CTNNA2: variants seen among roughly 807,000 people sequenced by gnomAD.
CTNNA2 encodes the protein catenin alpha-2.
CTNNA2 carries 42 observed loss-of-function variants against 101.0 expected under a neutral mutation model. That is an observed-to-expected ratio of 0.42 (90% CI 0.32 to 0.54). The LOEUF (loss-of-function observed/expected upper bound fraction) is 0.54, where lower values mean the gene tolerates loss of function less well. Ranked by LOEUF, CTNNA2 falls within the 20% of genes least tolerant of loss-of-function variation. The pLI is 0.14. For synonymous variants in CTNNA2, 450 were observed against 456.4 expected (o/e 0.99, Z 0.18); for missense variants, 871 against 1,223.1 (o/e 0.71, Z 4.29).
intron 3 of CTNNA2, among the ~76,000 whole-genome samples, chr2:79,855,756 C>T (rs1423457872): frequency 6.6e-6 from 1 of 152,106 alleles, no homozygotes; most frequent in Non-Finnish European, 1.5e-5. Context: ...GAATAAATCC[C>T]CCTTTCCCTT....
intron 7 of CTNNA2, among the ~76,000 whole-genome samples, chr2:80,306,435 TC>T (rs1274307486): frequency 1.4e-5 from 2 of 148,138 alleles, no homozygotes; most frequent in Non-Finnish European, 3.0e-5. Context: ...TTTCTTTCTT[TC>T]TTTCTTTCTT....
At chr2:80,581,924 T>C in intron 14 of CTNNA2, 105 bp downstream of exon 14, 2 of 685,324 alleles carry the variant, frequency 2.9e-6, no homozygotes, top group African/African-American at 1.8e-5. Context: ...CAGAGATTCA[T>C]GGGTCAGAAA....
At chr2:79,987,405 C>A (rs1691844241) in intron 7 of CTNNA2, among the ~76,000 whole-genome samples, 1 of 152,172 alleles carries the variant, frequency 6.6e-6, no homozygotes, top group Non-Finnish European at 1.5e-5. Context: ...GAACTGGGTT[C>A]AAGTCCCACC....
intron 1 of CTNNA2, among the ~76,000 whole-genome samples, chr2:79,617,586 C>T (rs933273330): frequency 2.4e-4 from 37 of 152,032 alleles, no homozygotes; most frequent in African/African-American, 8.9e-4. Flanking sequence ...TTCATATTCA[C>T]CATTTTGTTA....
intron 2 of CTNNA2, among the ~76,000 whole-genome samples, chr2:79,217,661 A>G (rs1397830303): frequency 1.3e-5 from 2 of 152,220 alleles, no homozygotes; most frequent in Non-Finnish European, 1.5e-5. Context: ...GTGTACGTGC[A>G]GGTCACAGGG....
chr2:79,541,189 CAT>C (rs1448844369), intron 1 of CTNNA2, among the ~76,000 whole-genome samples: 16 of 142,698 alleles, frequency 1.1e-4, no homozygotes, highest in Non-Finnish European at 2.2e-4. Context: ...ATATATTACA[CAT>C]ATATATGAGT....
chr2:79,882,356 C>T (rs753382095), intron 6 of CTNNA2, among the ~76,000 whole-genome samples: 5 of 152,316 alleles, frequency 3.3e-5, no homozygotes, highest in East Asian at 1.9e-4. Context: ...CACCCCTCCC[C>T]CTAGGGGCTC....
intron 7 of CTNNA2, among the ~76,000 whole-genome samples, chr2:80,359,046 G>T (rs1004552017): frequency 6.6e-6 from 1 of 151,454 alleles, no homozygotes; most frequent in Non-Finnish European, 1.5e-5. Context: ...ATTACTGTAG[G>T]CTCACTAATG....
intron 2 of CTNNA2, among the ~76,000 whole-genome samples, chr2:79,223,735 G>A (rs1396135493): frequency 6.6e-6 from 1 of 152,170 alleles, no homozygotes; most frequent in East Asian, 1.9e-4. Context: ...TAAGCTGACA[G>A]TTGGTGGCAC....
intron 7 of CTNNA2, among the ~76,000 whole-genome samples, chr2:80,340,032 T>C (rs1184122544): frequency 6.6e-6 from 1 of 152,238 alleles, no homozygotes; most frequent in African/African-American, 2.4e-5. Flanking sequence ...TGCAGCTTTT[T>C]CATCAAACAT....
intron 3 of CTNNA2, among the ~76,000 whole-genome samples, chr2:79,840,763 TCTC>T (rs1679733997): frequency 1.9e-5 from 1 of 51,460 alleles, no homozygotes; most frequent in Admixed American, 3.5e-4. Flanking sequence ...CGAGACTACC[TCTC>T]TTTTTTTTTT....
In CTNNA2 at chr2:80,365,353, G is replaced by T. The variant is rs189365525; in HGVS notation, c.1057-27858G>T. On this transcript the variant is annotated intron_variant, in intron 7 of 18. Coordinates refer to ENST00000402739, the MANE Select transcript of CTNNA2 (RefSeq NM_001282597.3). ...GTTGACATGCTGACAGTGCAGCCCT[G>T]CATAAACACAACCGCTTGCCCTCTC... Among the ~76,000 whole-genome samples, 8 of 152,210 alleles carry T rather than the reference G, an allele frequency of 5.3e-5. No homozygotes were observed. In the East Asian group the frequency reaches 1.5e-3, roughly 29 times the overall value.
intron 2 of CTNNA2, among the ~76,000 whole-genome samples, chr2:79,268,151 A>G (rs147021507): frequency 1.4e-3 from 215 of 152,182 alleles, no homozygotes; most frequent in African/African-American, 4.8e-3. Flanking sequence ...AAACAAGTTG[A>G]CCTAGTATCA....
chr2:80,303,716 G>A lies in CTNNA2; in HGVS notation c.1057-89495G>A, dbSNP rs1573650087. 4 of 1,606,898 alleles carry A rather than the reference G, an allele frequency of 2.5e-6. No individual in the cohort carries two copies. The highest frequency in any genetic ancestry group is 3.4e-6 in the Non-Finnish European group (4 of 1,176,526). ...GCACAGCTGCGGGCACCCGCTGGGG[G>A]CGGCGGGCAGCATCTGAAAGCAGGC... On this transcript the variant is annotated intron_variant, in intron 7 of 18. Transcript: ENST00000402739. This position sits in a 1 kb window ranked among gnomAD's most constrained non-coding sequence, Gnocchi z 7.7.
intron 3 of CTNNA2, among the ~76,000 whole-genome samples, chr2:79,750,418 A>C (rs1196686183): frequency 6.6e-6 from 1 of 152,202 alleles, no homozygotes; most frequent in Non-Finnish European, 1.5e-5. Flanking sequence ...TTTACAGCCA[A>C]TTTGAGAAGA....
chr2:79,431,211 T>A (rs1678656203), intron 4 of CTNNA2, among the ~76,000 whole-genome samples: 1 of 152,178 alleles, frequency 6.6e-6, no homozygotes, highest in African/African-American at 2.4e-5. Context: ...CCTGATGTAA[T>A]TTCTTGAACC....
At chr2:79,549,073 T>A (rs923959793) in intron 1 of CTNNA2, among the ~76,000 whole-genome samples, 1 of 152,168 alleles carries the variant, frequency 6.6e-6, no homozygotes, top group Non-Finnish European at 1.5e-5. Context: ...AACTCAGGCT[T>A]ATTTCTGATT....
intron 8 of CTNNA2, among the ~76,000 whole-genome samples, chr2:80,404,784 T>C (rs1196783332): frequency 6.6e-6 from 1 of 152,206 alleles, no homozygotes; most frequent in East Asian, 1.9e-4. Flanking sequence ...AGCTAATTCC[T>C]TCACTACAGC....
At chr2:80,561,827 A>ATTTTTT (rs368503035) in intron 12 of CTNNA2, among the ~76,000 whole-genome samples, 3 of 123,578 alleles carry the variant, frequency 2.4e-5, no homozygotes, top group African/African-American at 6.1e-5. Flanking sequence ...CGCCTGGCTA[A>ATTTTTT]TTTTTTTTTT....
Sources: allele counts gnomAD v4.1 joint callset (sites outside exome capture counted in the v4.1 genomes callset), GRCh38; gene constraint gnomAD v4.1.1; non-coding constraint Gnocchi (gnomAD v3.1); transcripts MANE v1.5; gene names NCBI Gene and HGNC (gene_info 2026-07-23, HGNC 2026-07-21).